FILIP1L: variants seen among roughly 807,000 people sequenced by gnomAD.
The protein encoded by FILIP1L is filamin A interacting protein 1 like, also known as filamin A-interacting protein 1-like.
In FILIP1L, 55 loss-of-function variants were observed where a neutral mutation model predicts 96.6. That is an observed-to-expected ratio of 0.57 (90% confidence interval 0.46 to 0.71). The LOEUF is 0.71. Ranked by LOEUF, FILIP1L falls within the 30% of genes least tolerant of loss-of-function variation. The pLI is 0.00. For synonymous variants in FILIP1L, 467 were observed against 473.9 expected (o/e 0.99, Z 0.19); for missense variants, 1,304 against 1,321.2 (o/e 0.99, Z 0.20).
intron 5 of FILIP1L, among the ~76,000 whole-genome samples, chr3:99,846,912 G>A (rs563905673): frequency 6.6e-6 from 1 of 152,158 alleles, no homozygotes; most frequent in Non-Finnish European, 1.5e-5. Flanking sequence ...GTCTGAAATC[G>A]TCGTTTTGGA....
intron 1 of FILIP1L, among the ~76,000 whole-genome samples, chr3:100,107,706 T>G (rs957982708): frequency 6.6e-6 from 1 of 152,046 alleles, no homozygotes; most frequent in African/African-American, 2.4e-5. Flanking sequence ...ACATAAATAA[T>G]TACTGCTAGA....
chr3:100,076,590 G>C (rs151033550), intron 1 of FILIP1L, among the ~76,000 whole-genome samples: 2 of 152,164 alleles, frequency 1.3e-5, no homozygotes, highest in Non-Finnish European at 2.9e-5. Context: ...TCAGTCTTCT[G>C]AGTTATTTTT....
rs1024578015 is a variant in FILIP1L at position 99,924,100 on chromosome 3, C to T, written c.605+130G>A. 30 of 777,204 alleles carry T rather than the reference C, an allele frequency of 3.9e-5. No homozygotes were observed. The East Asian group carries it at 7.1e-4, about 18-fold the overall frequency. 48.1% of individuals were successfully genotyped at this position (777,204 alleles called of 1,614,324 possible). A position where few individuals can be genotyped will look rare whatever the true frequency, so the allele number is the denominator to read the frequency against. The stretch of plus-strand genomic sequence containing the variant: ...ATAATGTCTTCAAACATATCCTTTT[C>T]CTCACCCTGGACTATGAGATCTTTG... On this transcript the variant is annotated intron_variant, in intron 4 of 5. Coordinates refer to ENST00000477258, the MANE Select transcript of FILIP1L (RefSeq NM_001387850.1).
At chr3:100,036,232 C>T (rs1436688809) in intron 1 of FILIP1L, among the ~76,000 whole-genome samples, 1 of 152,170 alleles carries the variant, frequency 6.6e-6, no homozygotes, top group East Asian at 1.9e-4. Flanking sequence ...ACATGCAACA[C>T]ATAAAGCTTC....
chr3:99,850,218 T>C lies in FILIP1L; in HGVS notation c.1458A>G (p.Leu486=). 1 of 1,613,356 alleles carries C rather than the reference T, an allele frequency of 6.2e-7. No individual in the cohort carries two copies. Among genetic ancestry groups the C allele is most frequent in the Non-Finnish European group, 8.5e-7 (1 of 1,179,968 alleles). The change falls in exon 5 of 6, where the codon CTA becomes CTG. Residue 486 remains leucine, a synonymous_variant. Coordinates refer to ENST00000477258, the MANE Select transcript of FILIP1L (RefSeq NM_001387850.1). ...ESRLEKTEFT[L]KEDLTKLKTL... is the part of the protein sequence containing the mutation. ...TTTTCAGTTTAGTTAAATCCTCTTT[T>C]AGAGTGAATTCTGTCTTTTCTAGCC...
At chr3:100,035,464 G>C (rs943067668) in intron 1 of FILIP1L, among the ~76,000 whole-genome samples, 1 of 152,052 alleles carries the variant, frequency 6.6e-6, no homozygotes, top group Non-Finnish European at 1.5e-5. Context: ...GTAGAGACAG[G>C]GTTTCACCAT....
At chr3:99,960,494 G>C (rs1446557407) in intron 1 of FILIP1L, among the ~76,000 whole-genome samples, 2 of 152,184 alleles carry the variant, frequency 1.3e-5, no homozygotes, top group Non-Finnish European at 2.9e-5. Flanking sequence ...GCAACATTCT[G>C]ATTAGGAATA....
chr3:99,867,123 G>A (rs540882794), intron 4 of FILIP1L, among the ~76,000 whole-genome samples: 5 of 152,320 alleles, frequency 3.3e-5, no homozygotes, highest in African/African-American at 1.2e-4. Context: ...ATAGCAAGGA[G>A]TAATTCCATC....
chr3:99,838,903 T>A (rs1354249258), intron 5 of FILIP1L, among the ~76,000 whole-genome samples: 1 of 152,170 alleles, frequency 6.6e-6, no homozygotes, highest in African/African-American at 2.4e-5. Flanking sequence ...ACACAGAGAC[T>A]CCCTAGTGCT....
In FILIP1L at chr3:100,037,911, G is replaced by T. The variant is rs1434372897; in HGVS notation, c.-11+76142C>A. ...CAGCCACACTAACTGGCTCTGAATC[G>T]CTTAGGTTTTCCTTTTTAATCGCTT... On this transcript the variant is annotated intron_variant, in intron 1 of 5. Transcript: ENST00000477258. 2.0e-5 allele frequency among the ~76,000 whole-genome samples: 3 copies of T among 148,042 alleles called. No individual in the cohort carries two copies. In the East Asian group the frequency reaches 5.9e-4, roughly 29 times the overall value.
chr3:100,111,347 G>C (rs756984952), intron 1 of FILIP1L, among the ~76,000 whole-genome samples: 2 of 152,144 alleles, frequency 1.3e-5, no homozygotes, highest in Non-Finnish European at 2.9e-5. Flanking sequence ...TTATTTAAGA[G>C]ATTACTCCAT....
At chr3:99,887,476 C>T (rs1384759418) in intron 4 of FILIP1L, among the ~76,000 whole-genome samples, 4 of 152,076 alleles carry the variant, frequency 2.6e-5, no homozygotes, top group African/African-American at 9.7e-5. Context: ...CTATCACAGC[C>T]ATGACTGAGA....
At chr3:100,079,256 T>C (rs562626645) in intron 1 of FILIP1L, among the ~76,000 whole-genome samples, 23 of 152,358 alleles carry the variant, frequency 1.5e-4, no homozygotes, top group African/African-American at 4.8e-4. Context: ...AAAGAGTTAC[T>C]ATCGATGCTT....
At chr3:99,920,929 A>C (rs1707105613) in intron 4 of FILIP1L, among the ~76,000 whole-genome samples, 1 of 152,226 alleles carries the variant, frequency 6.6e-6, no homozygotes, top group South Asian at 2.1e-4. Flanking sequence ...TTAGAATGTG[A>C]GCAGTAAACC....
intron 4 of FILIP1L, among the ~76,000 whole-genome samples, chr3:99,911,548 C>T (rs974817782): frequency 6.6e-6 from 1 of 151,922 alleles, no homozygotes; most frequent in African/African-American, 2.4e-5. Context: ...TGCCCTGGCT[C>T]TAAAATACTC....
chr3:99,945,917 T>G (rs907348903), intron 1 of FILIP1L, among the ~76,000 whole-genome samples: 6 of 152,252 alleles, frequency 3.9e-5, no homozygotes, highest in African/African-American at 7.2e-5. Flanking sequence ...GTGCCACACA[T>G]GCTTTTGTGT....
chr3:100,001,304 A>G (rs1709835391), intron 1 of FILIP1L, among the ~76,000 whole-genome samples: 2 of 152,220 alleles, frequency 1.3e-5, no homozygotes, highest in African/African-American at 4.8e-5. Context: ...CTTCATTTAC[A>G]TATTATCTAT....
At chr3:99,848,262 G>C (rs1297756519) in intron 5 of FILIP1L, 33 bp downstream of exon 5, 18 of 1,610,200 alleles carry the variant, frequency 1.1e-5, no homozygotes, top group Non-Finnish European at 1.5e-5. Context: ...GACTGGATGA[G>C]GGTGAGCGTG....
intron 2 of FILIP1L, 70 bp downstream of exon 2, chr3:99,930,699 A>AGGAACAAATAGAATTTG: frequency 6.5e-7 from 1 of 1,540,554 alleles, no homozygotes; most frequent in South Asian, 1.2e-5. Flanking sequence ...TTTCTGTGGC[A>AGGAACAAATAGAATTTG]GCAGGAACAC....
Sources: allele counts gnomAD v4.1 joint callset (sites outside exome capture counted in the v4.1 genomes callset), GRCh38; gene constraint gnomAD v4.1.1; transcripts MANE v1.5; gene names NCBI Gene and HGNC (gene_info 2026-07-23, HGNC 2026-07-21).